The following TAF2 variants were observed in gnomAD, a reference collection of about 807,000 sequenced individuals.
TAF2 encodes the protein TATA-box binding protein associated factor 2, also known as transcription initiation factor TFIID subunit 2.
In TAF2, 61 loss-of-function variants were observed where a neutral mutation model predicts 138.5. That is an observed-to-expected ratio of 0.44 (90% CI 0.36 to 0.54). TAF2 has a LOEUF of 0.54. Among genes scored for constraint, TAF2 ranks in the 20% least tolerant of loss-of-function variants. The pLI, the probability that TAF2 is intolerant of heterozygous loss-of-function variation, is 0.00. For missense variants in TAF2, 1,090 were observed against 1,427.9 expected, an observed-to-expected ratio of 0.76 and a Z score of 3.81; for synonymous variants, 475 against 469.9, an observed-to-expected ratio of 1.01 and a Z score of -0.14.
chr8:119,768,973 T>G (rs1458736541), intron 18 of TAF2, among the ~76,000 whole-genome samples: 1 of 152,150 alleles, frequency 6.6e-6, no homozygotes, highest in Non-Finnish European at 1.5e-5. Context: ...TACAGGAGTG[T>G]GACAGGGAAA....
At chr8:119,808,184 A>G (rs1824794236) in intron 3 of TAF2, among the ~76,000 whole-genome samples, 1 of 152,258 alleles carries the variant, frequency 6.6e-6, no homozygotes, top group East Asian at 1.9e-4. Context: ...ATATATTTTA[A>G]TAATTTCTTT....
chr8:119,782,048 T>C (rs1054986163), intron 16 of TAF2, among the ~76,000 whole-genome samples: 3 of 152,228 alleles, frequency 2.0e-5, no homozygotes, highest in Non-Finnish European at 4.4e-5. Flanking sequence ...AATGGCAGTA[T>C]TAAGTTTTAG....
chr8:119,829,700 T>G (rs1231010655), intron 2 of TAF2, among the ~76,000 whole-genome samples: 1 of 151,982 alleles, frequency 6.6e-6, no homozygotes, highest in Admixed American at 6.6e-5. Flanking sequence ...AAAAGCCACA[T>G]GCAACTTCTA....
chr8:119,819,357 A>G lies in TAF2; in HGVS notation c.288T>C (p.Ser96=). The change falls in exon 3 of 26, where the codon AGT becomes AGC. Residue 96 remains serine, a synonymous_variant. Coordinates refer to ENST00000378164, the MANE Select transcript of TAF2 (RefSeq NM_003184.4). The part of the protein sequence containing the change: ...YNDPTLEVCH[S]ESKQRNLNYF... ...AGTGCATAACTTACTGTTTTGATTC[A>G]CTGTGACAAACTTCCAAGGTTGGGT... 6.2e-7 allele frequency: 1 copy of G among 1,612,908 alleles called. No individual in the cohort carries two copies. The highest frequency in any genetic ancestry group is 8.5e-7 in the Non-Finnish European group (1 of 1,179,610).
chr8:119,797,264 G>A (rs1218542807), intron 7 of TAF2, among the ~76,000 whole-genome samples, 161 bp from the exon 8 acceptor site: 1 of 151,974 alleles, frequency 6.6e-6, no homozygotes, highest in East Asian at 1.9e-4. Context: ...CATCATCTTA[G>A]TAACTTGCTT....
intron 6 of TAF2, among the ~76,000 whole-genome samples, chr8:119,800,708 C>T (rs892515145): frequency 2.0e-5 from 3 of 152,130 alleles, no homozygotes; most frequent in African/African-American, 7.2e-5. Flanking sequence ...ATCTTTTCCA[C>T]GAGTGATTTT....
Position 119,781,172 on chromosome 8 carries a change from T to C in TAF2, c.2134A>G (p.Thr712Ala). The C allele has an allele frequency of 6.2e-7, 1 of 1,614,142 alleles. No homozygotes were observed. The highest frequency in any genetic ancestry group is 2.2e-5 in the East Asian group (1 of 44,872). Residue 712 changes from threonine (T) to alanine (A), a missense_variant, in exon 17 of 26, where the codon ACA becomes GCA. By Grantham distance (58) the Thr-to-Ala change is moderately conservative (BLOSUM62 0). Coordinates refer to ENST00000378164, the MANE Select transcript of TAF2 (RefSeq NM_003184.4). ...TTCATGGCTGGTGGTCCTGTCCATG[T>C]GCTCACCATTGAATTTGCAATCTGC... Reference protein sequence around the residue: ...LAKIANSMVSTWTGPPAMKSL... With the variant: ...LAKIANSMVSAWTGPPAMKSL...
At chr8:119,805,775 GC>G (rs529693188) in intron 4 of TAF2, among the ~76,000 whole-genome samples, 127 of 152,092 alleles carry the variant, frequency 8.4e-4, no homozygotes, top group African/African-American at 3.0e-3. Context: ...TTTTTTCACA[GC>G]CCTGAAATGG....
At chr8:119,805,174 AAAG>A (rs1824534465) in intron 4 of TAF2, among the ~76,000 whole-genome samples, 1 of 152,224 alleles carries the variant, frequency 6.6e-6, no homozygotes, top group Admixed American at 6.5e-5. Flanking sequence ...TACAAGACAC[AAAG>A]AAGGTTTAAA....
At chr8:119,764,781 C>T (rs1335791219) in intron 18 of TAF2, among the ~76,000 whole-genome samples, 2 of 152,050 alleles carry the variant, frequency 1.3e-5, no homozygotes, top group African/African-American at 4.8e-5. Context: ...ATGTATAAAA[C>T]ATCTTCCTCT....
chr8:119,777,621 G>A (rs1424106689), intron 18 of TAF2, among the ~76,000 whole-genome samples: 2 of 152,140 alleles, frequency 1.3e-5, no homozygotes, highest in Non-Finnish European at 2.9e-5. Flanking sequence ...AAGGTCAAAT[G>A]AATCAAGGAA....
intron 15 of TAF2, among the ~76,000 whole-genome samples, chr8:119,784,285 T>C (rs1822869751): frequency 6.6e-6 from 1 of 152,202 alleles, no homozygotes; most frequent in South Asian, 2.1e-4. Context: ...CCAGGTGCAA[T>C]GGCTCATGTC....
chr8:119,818,252 G>A (rs1825602518), intron 3 of TAF2, among the ~76,000 whole-genome samples: 1 of 152,132 alleles, frequency 6.6e-6, no homozygotes, highest in African/African-American at 2.4e-5. Context: ...GTGGGTCTGG[G>A]GTATTGATTG....
At chr8:119,764,694 G>A (rs1250303728) in intron 18 of TAF2, among the ~76,000 whole-genome samples, 2 of 151,958 alleles carry the variant, frequency 1.3e-5, no homozygotes, top group Non-Finnish European at 2.9e-5. Context: ...AATTTAAGAT[G>A]AGTAAAATCA....
At chr8:119,773,116 A>C (rs1373336590) in intron 18 of TAF2, among the ~76,000 whole-genome samples, 1 of 150,298 alleles carries the variant, frequency 6.7e-6, no homozygotes. Flanking sequence ...ACCTATGGTT[A>C]CCTTTCTTTA....
At chr8:119,783,815 CAT>C (rs1156687527) in intron 15 of TAF2, among the ~76,000 whole-genome samples, 182 bp from the exon 16 acceptor site, 1 of 152,130 alleles carries the variant, frequency 6.6e-6, no homozygotes, top group African/African-American at 2.4e-5. Context: ...TTATGTTTAA[CAT>C]ATGTCAACTT....
At chr8:119,798,860 T>G (rs1824021958) in intron 6 of TAF2, among the ~76,000 whole-genome samples, 1 of 152,162 alleles carries the variant, frequency 6.6e-6, no homozygotes, top group African/African-American at 2.4e-5. Context: ...GGCCCAAATT[T>G]GTATCATGAT....
intron 1 of TAF2, among the ~76,000 whole-genome samples, chr8:119,832,226 T>G (rs1826504156): frequency 6.7e-6 from 1 of 150,196 alleles, no homozygotes; most frequent in South Asian, 2.1e-4. Flanking sequence ...CTAGCAACAG[T>G]CACGAAAACA....
intron 18 of TAF2, among the ~76,000 whole-genome samples, chr8:119,769,815 T>G (rs1265243675): frequency 6.6e-6 from 1 of 151,414 alleles, no homozygotes; most frequent in Non-Finnish European, 1.5e-5. Flanking sequence ...TGGAGTGAAG[T>G]GGCGCGATCT....
Sources: gnomAD v4.1 joint callset for allele counts (sites outside exome capture counted in the v4.1 genomes callset) on GRCh38, gnomAD v4.1.1 for gene constraint, MANE v1.5 for transcripts, NCBI Gene and HGNC (gene_info 2026-07-23, HGNC 2026-07-21) for gene names.